DHX30: variants seen among roughly 807,000 people sequenced by gnomAD.
DHX30 encodes the protein DExH-box helicase 30, also known as ATP-dependent RNA helicase DHX30.
In DHX30, 4 loss-of-function variants were observed where a neutral mutation model predicts 116.9. The observed-to-expected ratio is 0.03, with a 90% CI of 0.02 to 0.08. DHX30 has a LOEUF of 0.08. Among genes scored for constraint, DHX30 ranks in the 10% least tolerant of loss-of-function variants. The pLI, the probability that DHX30 is intolerant of heterozygous loss-of-function variation, is 1.00. For synonymous variants in DHX30, 697 were observed against 651.7 expected (o/e 1.07, Z -1.06); for missense variants, 871 against 1,595.1 (o/e 0.55, Z 7.73).
At chr3:47,845,611 C>T (rs955416340) in intron 9 of DHX30, 89 bp from the exon 10 acceptor site, 11 of 1,370,284 alleles carry the variant, frequency 8.0e-6, no homozygotes, top group Non-Finnish European at 1.1e-5. Context: ...TTACTTGGCA[C>T]AACTTATGCG....
intron 6 of DHX30, among the ~76,000 whole-genome samples, 178 bp downstream of exon 6, chr3:47,829,312 ATATTT>A (rs1174797002): frequency 6.4e-4 from 18 of 27,964 alleles, no homozygotes; most frequent in African/African-American, 1.7e-3. Flanking sequence ...ATATATATAT[ATATTT>A]TTTTTTTTTT....
intron 6 of DHX30, 36 bp from the exon 7 acceptor site, chr3:47,840,841 G>A (rs1439194709): frequency 6.2e-7 from 1 of 1,612,826 alleles, no homozygotes; most frequent in Non-Finnish European, 8.5e-7. Context: ...GTGTAAAGAT[G>A]GTATCAATCC....
chr3:47,826,677 C>T (rs887276429), intron 4 of DHX30, among the ~76,000 whole-genome samples: 5 of 151,266 alleles, frequency 3.3e-5, no homozygotes, highest in African/African-American at 1.2e-4. Flanking sequence ...GGTTGTCAAA[C>T]TCCTGACCTT....
At chr3:47,844,005 G>A (rs1418780821) in intron 9 of DHX30, among the ~76,000 whole-genome samples, 1 of 152,222 alleles carries the variant, frequency 6.6e-6, no homozygotes, top group African/African-American at 2.4e-5. Context: ...CCTGGCCATG[G>A]CCGTTCTCTT....
chr3:47,805,223 C>T, intron 1 of DHX30, 103 bp from the exon 2 acceptor site: 1 of 396,898 alleles, frequency 2.5e-6, no homozygotes, highest in Non-Finnish European at 4.4e-6. Flanking sequence ...CCCTTCATGC[C>T]ACTAACAAAA....
At chr3:47,819,328 A>G in intron 4 of DHX30, 1 of 1,349,684 alleles carries the variant, frequency 7.4e-7, no homozygotes, top group Non-Finnish European at 9.9e-7. Flanking sequence ...GTCGGGGTTA[A>G]CCAGGCAGTT....
In DHX30 at chr3:47,847,026, AAGG is replaced by A; in HGVS notation, c.1929+26_1929+28del. 1 of 1,594,466 alleles carries A rather than the reference AAGG, an allele frequency of 6.3e-7. No homozygotes were observed. The highest frequency in any genetic ancestry group is 8.6e-7 in the Non-Finnish European group (1 of 1,169,254). On this transcript the variant is annotated intron_variant, in intron 11 of 21. Coordinates refer to ENST00000445061, the MANE Select transcript of DHX30 (RefSeq NM_138615.3). The surrounding 1 kb of genome is among the most constrained non-coding windows in gnomAD (Gnocchi z 5.5). ...GGTGAGGGACACCCCCATCCCACCC[AAGG>A]CTCCTGGCCTTTCCTCCGTGGATGC...
chr3:47,848,679 C>G lies in DHX30; in HGVS notation c.2631C>G (p.Ile877Met). 3 of 1,614,114 alleles carry G rather than the reference C, an allele frequency of 1.9e-6. No homozygotes were observed. The highest frequency in any genetic ancestry group is 2.5e-6 in the Non-Finnish European group (3 of 1,180,010). Residue 877 changes from isoleucine to methionine, a missense_variant, in exon 17 of 22, where the codon ATC becomes ATG. By Grantham distance (10) the Ile-to-Met change is conservative. Around this residue, in one of 13 missense-constraint regions of DHX30, gnomAD observed 238 missense variants for 481.0 expected, o/e 0.49. Coordinates refer to ENST00000445061, the MANE Select transcript of DHX30 (RefSeq NM_138615.3). This position sits in a 1 kb window ranked among gnomAD's most constrained non-coding sequence, Gnocchi z 9.4. ...CCCTGGGGCAGCGCCTGGCTCACAT[C>G]TCCACCGACCCCCGGTTGGCCAAGG... ...LTTLGQRLAH[I>M]STDPRLAKAI...
chr3:47,829,840 A>T (rs1053957406), intron 6 of DHX30, among the ~76,000 whole-genome samples: 12 of 151,036 alleles, frequency 7.9e-5, no homozygotes, highest in African/African-American at 2.9e-4. Flanking sequence ...AAATTTTTTA[A>T]TTTTTTTTAA....
chr3:47,819,174 C>A, intron 4 of DHX30: 1 of 1,350,566 alleles, frequency 7.4e-7, no homozygotes, highest in East Asian at 4.6e-5. Context: ...CCTACCGTTA[C>A]CAAAACAAGA....
In DHX30 at chr3:47,846,821, G is replaced by A. The variant is rs549401145; in HGVS notation, c.1749G>A (p.Pro583=). The change falls in exon 11 of 22, where the codon CCG becomes CCA. Residue 583 remains proline (P), a synonymous_variant. Coordinates refer to ENST00000445061, the MANE Select transcript of DHX30 (RefSeq NM_138615.3). ...ILLKGLQRLN[P]ALRLVLMSAT... is the part of the protein sequence containing the mutation. ...TCAAGGGCCTGCAGCGGCTCAACCC[G>A]GCCCTGCGGCTGGTGCTCATGAGTG... is the stretch of plus-strand genomic sequence containing the variant. 1.4e-5 allele frequency: 22 copies of A among 1,612,920 alleles called. No individual in the cohort carries two copies. The highest frequency in any genetic ancestry group is 1.3e-4 in the Admixed American group (8 of 59,878).
In DHX30 at chr3:47,850,150, G is replaced by A. The variant is rs755992599; in HGVS notation, c.*30G>A. ...TGCTTCTGCTGGGGCTGTGTACAGA[G>A]TGCAAATGTTTATTTAAAATAAAGT... On this transcript the variant is annotated 3_prime_UTR_variant, in exon 22 of 22. Coordinates refer to ENST00000445061, the MANE Select transcript of DHX30 (RefSeq NM_138615.3). 2 of 1,544,094 alleles carry A rather than the reference G, an allele frequency of 1.3e-6. No homozygotes were observed. Among genetic ancestry groups the A allele is most frequent in the Non-Finnish European group, 8.7e-7 (1 of 1,145,830 alleles).
At position 47,810,671 on chromosome 3, in the gene DHX30, C is replaced by G; in HGVS notation, c.-13C>G. The G allele has an allele frequency of 6.2e-7, 1 of 1,614,072 alleles. No homozygotes were observed. The highest frequency in any genetic ancestry group is 8.5e-7 in the Non-Finnish European group (1 of 1,179,954). On this transcript the variant is annotated 5_prime_UTR_variant, in exon 3 of 22. Coordinates refer to ENST00000445061, the MANE Select transcript of DHX30 (RefSeq NM_138615.3). ...CTTGTTCTCAGGATTCCAGCTTTCC[C>G]TCCTGGCCAGAAATGTTCAGCCTGG...
chr3:47,806,793 A>C (rs2035548470), intron 2 of DHX30, among the ~76,000 whole-genome samples: 1 of 151,184 alleles, frequency 6.6e-6, no homozygotes, highest in Admixed American at 6.6e-5. Context: ...GGATTTCACC[A>C]TCTTGGCCAG....
intron 4 of DHX30, chr3:47,826,031 T>G (rs762241575): frequency 3.3e-5 from 5 of 152,264 alleles, no homozygotes; most frequent in African/African-American, 4.8e-5. Context: ...ATCAGAACGC[T>G]TGGAAGCACT....
chr3:47,817,614 G>A (rs1398636409), intron 3 of DHX30, among the ~76,000 whole-genome samples: 5 of 152,184 alleles, frequency 3.3e-5, no homozygotes, highest in South Asian at 2.1e-4. Flanking sequence ...TCTGGGGAAC[G>A]CATAGCAAAG....
rs200182024 is a variant in DHX30 at position 47,847,287 on chromosome 3, C to T, written c.1944C>T (p.Cys648=). ...CCCCACCCCAGTCTGAGGATGAATG[C>T]GCACTCGATTTGGACCTTGTGACTG... is the stretch of plus-strand genomic sequence containing the variant. ...RHRHHESEDE[C]ALDLDLVTDL... The change falls in exon 12 of 22, where the codon TGC becomes TGT. Residue 648 remains cysteine (C), a synonymous_variant. Coordinates refer to ENST00000445061, the MANE Select transcript of DHX30 (RefSeq NM_138615.3). The surrounding 1 kb of genome is among the most constrained non-coding windows in gnomAD (Gnocchi z 5.5). 3.3e-5 allele frequency: 54 copies of T among 1,614,116 alleles called. No homozygotes were observed. In the Middle Eastern group the frequency reaches 8.2e-4, roughly 25 times the overall value.
At chr3:47,833,710 T>C (rs1427266431) in intron 6 of DHX30, among the ~76,000 whole-genome samples, 1 of 151,296 alleles carries the variant, frequency 6.6e-6, no homozygotes, top group African/African-American at 2.4e-5. Flanking sequence ...ATACAAAAAT[T>C]AGCCGGGCAT....
At chr3:47,819,384 C>G in intron 4 of DHX30, 1 of 951,046 alleles carries the variant, frequency 1.1e-6, no homozygotes, top group South Asian at 1.3e-5. Context: ...GAACACTGAT[C>G]GCAGGATGGG....
Sources: allele counts gnomAD v4.1 joint callset (sites outside exome capture counted in the v4.1 genomes callset), GRCh38; gene constraint gnomAD v4.1.1; regional missense constraint gnomAD v4.1.1; non-coding constraint Gnocchi (gnomAD v3.1); transcripts MANE v1.5; gene names NCBI Gene and HGNC (gene_info 2026-07-23, HGNC 2026-07-21).